NME8: variants seen among roughly 807,000 people sequenced by gnomAD.
The protein encoded by NME8 is NME/NM23 family member 8.
In NME8, 72 loss-of-function variants were observed where a neutral mutation model predicts 82.3. The observed-to-expected ratio is 0.87, with a 90% confidence interval of 0.72 to 1.06. The LOEUF (loss-of-function observed/expected upper bound fraction) is 1.06, where lower values mean the gene tolerates loss of function less well. NME8 is among the 50% of genes least tolerant of loss of function. NME8 has a pLI of 0.00. For synonymous variants in NME8, 267 were observed against 228.5 expected, an observed-to-expected ratio of 1.17 and a Z score of -1.52; for missense variants, 712 against 685.4, an observed-to-expected ratio of 1.04 and a Z score of -0.43.
chr7:37,860,015 A>T lies in NME8; in HGVS notation c.271-2013A>T, dbSNP rs927711068. Among the ~76,000 whole-genome samples the T allele has an allele frequency of 9.9e-5, 15 of 152,184 alleles. No homozygotes were observed. The East Asian group carries it at 2.9e-3, about 29-fold the overall frequency. ...AGCATTTTTAGCTGACAACAGATTC[A>T]TTCCAGCTAGTCTCAGCAGAAGCCT... On this transcript the variant is annotated intron_variant, in intron 6 of 17. Coordinates refer to ENST00000199447, the MANE Select transcript of NME8 (RefSeq NM_016616.5).
chr7:37,889,559 T>C (rs982839375), intron 15 of NME8, among the ~76,000 whole-genome samples: 16 of 152,126 alleles, frequency 1.1e-4, no homozygotes, highest in African/African-American at 3.8e-4. Context: ...TCATTATCAT[T>C]ATTGATTATT....
chr7:37,875,401 GACACACAC>G (rs144351597), intron 11 of NME8, among the ~76,000 whole-genome samples: 1 of 149,590 alleles, frequency 6.7e-6, no homozygotes, highest in East Asian at 2.0e-4. Flanking sequence ...GATCTGCCAA[GACACACAC>G]ACACACACAC....
At chr7:37,894,380 T>A in intron 15 of NME8, 86 bp from the exon 16 acceptor site, 6 of 1,377,336 alleles carry the variant, frequency 4.4e-6, no homozygotes, top group Non-Finnish European at 6.2e-6. Flanking sequence ...AATTAAACTA[T>A]CATTTTCCTT....
chr7:37,894,720 G>A (rs1295805520), intron 16 of NME8, 110 bp downstream of exon 16: 1 of 1,087,026 alleles, frequency 9.2e-7, no homozygotes, highest in African/African-American at 1.6e-5. Context: ...TCTCATTCAT[G>A]AAAAGACATT....
chr7:37,855,462 G>A (rs1214137733), intron 5 of NME8, among the ~76,000 whole-genome samples: 1 of 151,998 alleles, frequency 6.6e-6, no homozygotes, highest in African/African-American at 2.4e-5. Context: ...TTAAGTCTTG[G>A]TGCTCACTTC....
At chr7:37,852,174 A>G (rs1271671921) in intron 5 of NME8, among the ~76,000 whole-genome samples, 1 of 151,998 alleles carries the variant, frequency 6.6e-6, no homozygotes, top group African/African-American at 2.4e-5. Context: ...TTTTTAAAAA[A>G]TGTCTTTATA....
At chr7:37,881,736 T>G (rs1784949667) in intron 12 of NME8, among the ~76,000 whole-genome samples, 1 of 152,234 alleles carries the variant, frequency 6.6e-6, no homozygotes, top group African/African-American at 2.4e-5. Flanking sequence ...TTGGTGTCAT[T>G]TATTCCTTAA....
chr7:37,883,957 C>T (rs933446188), intron 12 of NME8, among the ~76,000 whole-genome samples: 1 of 144,490 alleles, frequency 6.9e-6, no homozygotes, highest in Non-Finnish European at 1.5e-5. Flanking sequence ...ATTTAGGTTA[C>T]TGTCTACACA....
chr7:37,873,432 A>G (rs1057467912), intron 11 of NME8, among the ~76,000 whole-genome samples: 3 of 150,374 alleles, frequency 2.0e-5, no homozygotes, highest in South Asian at 4.1e-4. Context: ...TATAAAATAA[A>G]AATAAATGTT....
Position 37,892,844 on chromosome 7 carries a change from C to T in NME8, c.1400-1622C>T, listed in dbSNP as rs139872698. Among the ~76,000 whole-genome samples, 730 of 151,968 alleles carry T rather than the reference C, an allele frequency of 4.8e-3. 7 individuals carry two copies. The highest frequency in any genetic ancestry group is 0.017 in the African/African-American group (695 of 41,464). On this transcript the variant is annotated intron_variant, in intron 15 of 17. Coordinates refer to ENST00000199447, the MANE Select transcript of NME8 (RefSeq NM_016616.5). ...AACTGCTTAATTCACATTAGGGTGT[C>T]GTGTTACAGTTTGGGGGGGTATTTG... is the stretch of plus-strand genomic sequence containing the variant.
At chr7:37,850,565 A>C in intron 4 of NME8, 64 bp from the exon 5 acceptor site, 1 of 1,520,612 alleles carries the variant, frequency 6.6e-7, no homozygotes. Context: ...ATGGCTCCAG[A>C]TTGGGATAAC....
chr7:37,892,315 A>G (rs757822639), intron 15 of NME8, among the ~76,000 whole-genome samples: 6 of 151,496 alleles, frequency 4.0e-5, no homozygotes, highest in Non-Finnish European at 8.8e-5. Context: ...ATAGTTTTAA[A>G]TATTAGTTCT....
chr7:37,850,452 G>A lies in NME8; in HGVS notation c.91+17G>A. 1 of 1,613,928 alleles carries A rather than the reference G, an allele frequency of 6.2e-7. No individual in the cohort carries two copies. The highest frequency in any genetic ancestry group is 8.5e-7 in the Non-Finnish European group (1 of 1,179,852). ...GCTTAACAGGTATAAGGACTCCCCG[G>A]CTGTCTGGCCACCTGGGGTTTGACC... On this transcript the variant is annotated intron_variant, in intron 4 of 17. Transcript: ENST00000199447.
chr7:37,897,514 T>G (rs973647505), intron 17 of NME8, among the ~76,000 whole-genome samples: 2 of 152,200 alleles, frequency 1.3e-5, no homozygotes, highest in Non-Finnish European at 2.9e-5. Context: ...CTTTTTATCT[T>G]TATTTGTTCT....
intron 11 of NME8, among the ~76,000 whole-genome samples, chr7:37,870,820 T>G (rs1212357979): frequency 6.6e-6 from 1 of 152,154 alleles, no homozygotes; most frequent in Non-Finnish European, 1.5e-5. Flanking sequence ...CGTTGGTTTT[T>G]CAGTAAAACT....
At chr7:37,898,984 C>T (rs1046570172) in intron 17 of NME8, among the ~76,000 whole-genome samples, 1 of 152,236 alleles carries the variant, frequency 6.6e-6, no homozygotes, top group Admixed American at 6.5e-5. Context: ...CTTCAAAACC[C>T]ATTCCAAAAT....
chr7:37,874,832 T>C (rs1402843888), intron 11 of NME8, among the ~76,000 whole-genome samples: 2 of 152,172 alleles, frequency 1.3e-5, no homozygotes, highest in African/African-American at 4.8e-5. Flanking sequence ...GTGAAAAATA[T>C]ATACACAGTT....
chr7:37,898,732 C>G (rs968234909), intron 17 of NME8, among the ~76,000 whole-genome samples: 2 of 152,118 alleles, frequency 1.3e-5, no homozygotes, highest in African/African-American at 4.8e-5. Flanking sequence ...TAAGTTATTC[C>G]TTAATGGGTG....
Position 37,862,063 on chromosome 7 carries a change from T to G in NME8, c.306T>G (p.Asn102Lys). Residue 102 changes from asparagine (N) to lysine (K), a missense_variant, in exon 7 of 18, where the codon AAT becomes AAG. Physicochemically the swap from Asn to Lys is moderately conservative, Grantham distance 94 (BLOSUM62 0). Transcript: ENST00000199447. The stretch of plus-strand genomic sequence containing the variant: ...TTATCGAAAAGATTCAGGGTGCAAA[T>G]GCACCGCTTGTTAATAAAAAAGTTA... ...GKIIEKIQGA[N>K]APLVNKKVIN... 6 of 1,613,776 alleles carry G rather than the reference T, an allele frequency of 3.7e-6. No individual in the cohort carries two copies. In the South Asian group the frequency reaches 6.6e-5, roughly 18 times the overall value.
Sources: allele counts gnomAD v4.1 joint callset (sites outside exome capture counted in the v4.1 genomes callset), GRCh38; gene constraint gnomAD v4.1.1; transcripts MANE v1.5; gene names NCBI Gene and HGNC (gene_info 2026-07-23, HGNC 2026-07-21).